Variants in ABLIM3 observed in about 807,000 individuals in gnomAD.
The protein encoded by ABLIM3 is actin-binding LIM protein 3.
Under a neutral mutation model 109.5 loss-of-function variants are expected in ABLIM3, and 61 were observed. The ratio of observed to expected loss-of-function variants is 0.56; its 90% CI spans 0.45 to 0.69. ABLIM3 has a LOEUF of 0.69. Among genes scored for constraint, ABLIM3 ranks in the 30% least tolerant of loss-of-function variants. The pLI is 0.00. For missense variants in ABLIM3, 796 were observed against 889.5 expected (o/e 0.89, Z 1.34); for synonymous variants, 300 against 324.8 (o/e 0.92, Z 0.82).
At chr5:149,207,218 A>G (rs1759079392) in intron 6 of ABLIM3, 84 bp downstream of exon 6, 1 of 1,525,880 alleles carries the variant, frequency 6.6e-7, no homozygotes, top group Non-Finnish European at 8.9e-7. Context: ...CTACATCTCC[A>G]GCATCATCTC....
chr5:149,188,169 T>C (rs1342170527), intron 3 of ABLIM3, among the ~76,000 whole-genome samples: 1 of 152,168 alleles, frequency 6.6e-6, no homozygotes, highest in Admixed American at 6.5e-5. Flanking sequence ...TGTGCTAGGT[T>C]AATTAAGGAA....
At chr5:149,212,397 T>C (rs773213506) in intron 7 of ABLIM3, among the ~76,000 whole-genome samples, 2 of 151,972 alleles carry the variant, frequency 1.3e-5, no homozygotes, top group Non-Finnish European at 2.9e-5. Flanking sequence ...CAAGGGAGCA[T>C]TGTGGAGAGA....
At chr5:149,178,551 A>T (rs1181627859) in intron 2 of ABLIM3, among the ~76,000 whole-genome samples, 2 of 152,210 alleles carry the variant, frequency 1.3e-5, no homozygotes, top group Non-Finnish European at 2.9e-5. Context: ...CCTTTTAAAG[A>T]CTGCTTTAAA....
rs554197614 is a variant in ABLIM3, at chr5:149,206,959, G to A, written c.449-49G>A. ...TTGACGTGGGCCTGAGATAGCGGGG[G>A]TTAAAGGGCCCAGGGTGCTTTGCTC... On this transcript the variant is annotated intron_variant, in intron 5 of 23. Coordinates refer to ENST00000309868, the MANE Select transcript of ABLIM3 (RefSeq NM_014945.5). 163 of 1,588,238 alleles carry A rather than the reference G, an allele frequency of 1.0e-4. No individual in the cohort carries two copies. The South Asian group carries it at 1.6e-3, about 16-fold the overall frequency.
rs1387454463 is a variant in ABLIM3, at chr5:149,259,587, G to A, written c.*1183G>A. 6.5e-7 allele frequency: 1 copy of A among 1,535,958 alleles called. No homozygotes were observed. Among genetic ancestry groups the A allele is most frequent in the Non-Finnish European group, 8.7e-7 (1 of 1,146,848 alleles). ...GTGGCTGCTTATGAGATTCCAAAAT[G>A]AAGTGTTGGCCAACACCGCTCATGG... On this transcript the variant is annotated 3_prime_UTR_variant, in exon 24 of 24. Transcript: ENST00000309868.
At chr5:149,149,016 C>T (rs1379487770) in intron 2 of ABLIM3, among the ~76,000 whole-genome samples, 1 of 152,176 alleles carries the variant, frequency 6.6e-6, no homozygotes, top group Non-Finnish European at 1.5e-5. Context: ...TTGGTCTTTA[C>T]CATGGATTTG....
chr5:149,153,930 C>T (rs1030679454), intron 2 of ABLIM3, among the ~76,000 whole-genome samples: 30 of 152,198 alleles, frequency 2.0e-4, no homozygotes, highest in Non-Finnish European at 5.9e-5. Flanking sequence ...CACCTTCTCT[C>T]GCAGCAGAAT....
intron 8 of ABLIM3, chr5:149,217,345 G>A: frequency 2.2e-6 from 1 of 444,552 alleles, no homozygotes; most frequent in Non-Finnish European, 4.1e-6. Flanking sequence ...CTTGGGGGTG[G>A]GAAGCTGAGC....
At chr5:149,152,169 G>A (rs977486257) in intron 2 of ABLIM3, among the ~76,000 whole-genome samples, 1 of 152,172 alleles carries the variant, frequency 6.6e-6, no homozygotes, top group African/African-American at 2.4e-5. Context: ...CAATAGGATT[G>A]CCTGCTTTGG....
chr5:149,207,896 C>A (rs1242247743), intron 6 of ABLIM3, among the ~76,000 whole-genome samples: 1 of 152,206 alleles, frequency 6.6e-6, no homozygotes, highest in Admixed American at 6.5e-5. Flanking sequence ...TTGCTGGGCC[C>A]CAGTGACCAC....
chr5:149,198,523 G>A lies in ABLIM3; in HGVS notation c.335+121G>A, dbSNP rs1758195552. On this transcript the variant is annotated intron_variant, in intron 4 of 23. Coordinates refer to ENST00000309868, the MANE Select transcript of ABLIM3 (RefSeq NM_014945.5). This position sits in a 1 kb window ranked among gnomAD's most constrained non-coding sequence, Gnocchi z 4.2. ...GTTTGTGCTGCACATTTAGATTTCT[G>A]GAACCTCAGGTGTGGAGGGATCTGA... 8.1e-7 allele frequency: 1 copy of A among 1,234,774 alleles called. No individual in the cohort carries two copies. The highest frequency in any genetic ancestry group is 1.6e-5 in the South Asian group (1 of 61,344). 76.5% of individuals were successfully genotyped at this position (1,234,774 alleles called of 1,614,324 possible).
intron 2 of ABLIM3, among the ~76,000 whole-genome samples, chr5:149,142,698 C>G (rs74667783): frequency 0.043 from 6,480 of 152,244 alleles, 206 homozygotes; most frequent in East Asian, 0.076. Context: ...TCCTTGAGAA[C>G]AAGAAGACAG....
chr5:149,227,653 A>T (rs906879440), intron 8 of ABLIM3, among the ~76,000 whole-genome samples: 2 of 152,126 alleles, frequency 1.3e-5, no homozygotes, highest in African/African-American at 4.8e-5. Context: ...GGGGCCCAGG[A>T]ATCTGAATTT....
chr5:149,160,650 ACTGT>A (rs963999133), intron 2 of ABLIM3, among the ~76,000 whole-genome samples: 38 of 152,268 alleles, frequency 2.5e-4, no homozygotes, highest in Admixed American at 1.4e-3. Flanking sequence ...AGTTGGTGTC[ACTGT>A]AGTGTGCTCA....
chr5:149,162,316 G>T (rs543770743), intron 2 of ABLIM3, among the ~76,000 whole-genome samples: 1 of 152,150 alleles, frequency 6.6e-6, no homozygotes, highest in African/African-American at 2.4e-5. Flanking sequence ...GGTAAATGGG[G>T]CAAGGTAAAA....
At chr5:149,169,489 CAT>C (rs1383156161) in intron 2 of ABLIM3, among the ~76,000 whole-genome samples, 8 of 152,136 alleles carry the variant, frequency 5.3e-5, no homozygotes, top group Admixed American at 4.6e-4. Context: ...GAGTATTTCA[CAT>C]GTCTTTGCTT....
In ABLIM3 at chr5:149,183,595, A is replaced by G. The variant is rs1756666161; in HGVS notation, c.151+6A>G. 1.3e-6 allele frequency: 2 copies of G among 1,531,882 alleles called. No individual in the cohort carries two copies. The highest frequency in any genetic ancestry group is 1.8e-6 in the Non-Finnish European group (2 of 1,138,774). 94.9% of individuals were successfully genotyped at this position (1,531,882 alleles called of 1,614,324 possible). A position where few individuals can be genotyped will look rare whatever the true frequency, so the allele number is the denominator to read the frequency against. ...CAGATGCTTCACCTGTCAAGGTAGG[A>G]GGCTCAGCTCCCCCACTCTCTTCTT... On this transcript the variant is annotated splice_donor_region_variant and intron_variant, in intron 3 of 23. Transcript: ENST00000309868.
In ABLIM3 at chr5:149,252,854, G is replaced by T. The variant is rs146427886; in HGVS notation, c.1938+17G>T. The T allele has an allele frequency of 1.3e-3, 2,117 of 1,604,060 alleles. 25 individuals are homozygous for T. In the African/African-American group the frequency reaches 0.024, roughly 18 times the overall value. On this transcript the variant is annotated intron_variant, in intron 23 of 23. Transcript: ENST00000309868. ...CGTTTAGAGGTAAGTCTAAAAAACT[G>T]AGCAGGAGCTCTTGGGTTGGAAGAA... is the stretch of plus-strand genomic sequence containing the variant.
intron 3 of ABLIM3, among the ~76,000 whole-genome samples, chr5:149,186,883 C>T (rs1476677794): frequency 6.6e-6 from 1 of 151,160 alleles, no homozygotes; most frequent in Non-Finnish European, 1.5e-5. Flanking sequence ...AGCAATAGTG[C>T]AGAAGATTTG....
Sources: gnomAD v4.1 joint callset for allele counts (sites outside exome capture counted in the v4.1 genomes callset) on GRCh38, gnomAD v4.1.1 for gene constraint, Gnocchi (gnomAD v3.1) non-coding constraint, MANE v1.5 for transcripts, NCBI Gene and HGNC (gene_info 2026-07-23, HGNC 2026-07-21) for gene names.